Variants in SLC8A1 observed in about 807,000 individuals in gnomAD.
SLC8A1 encodes the protein solute carrier family 8 member A1, also known as sodium/calcium exchanger 1.
SLC8A1 carries 18 observed loss-of-function variants against 68.3 expected under a neutral mutation model. The ratio of observed to expected loss-of-function variants is 0.26; its 90% CI spans 0.18 to 0.39. The LOEUF is 0.39. Among genes scored for constraint, SLC8A1 ranks in the 10% least tolerant of loss-of-function variants. The pLI is 1.00. For missense variants in SLC8A1, 985 were observed against 1,156.7 expected (o/e 0.85, Z 2.15); for synonymous variants, 475 against 415.5 (o/e 1.14, Z -1.74).
At chr2:40,177,953 G>T in intron 2 of SLC8A1, 2 of 806,216 alleles carry the variant, frequency 2.5e-6, no homozygotes, top group South Asian at 1.5e-5. Context: ...TGTTATGGAG[G>T]GAGAACTGGC....
chr2:40,349,885 A>G (rs904681850), intron 2 of SLC8A1, among the ~76,000 whole-genome samples: 5 of 152,200 alleles, frequency 3.3e-5, no homozygotes, highest in Non-Finnish European at 7.3e-5. Flanking sequence ...TTATCCATAA[A>G]TATAACATTG....
intron 2 of SLC8A1, among the ~76,000 whole-genome samples, chr2:40,378,085 A>G (rs776911940): frequency 4.6e-4 from 70 of 152,106 alleles, no homozygotes; most frequent in Non-Finnish European, 9.6e-4. Flanking sequence ...AGCTGGTGAT[A>G]AATCAGTGAA....
intron 1 of SLC8A1, among the ~76,000 whole-genome samples, chr2:40,490,397 C>G (rs1705235968): frequency 6.6e-6 from 1 of 152,046 alleles, no homozygotes; most frequent in Non-Finnish European, 1.5e-5. Context: ...ATTTCACAGG[C>G]TATAATTGTT....
intron 2 of SLC8A1, among the ~76,000 whole-genome samples, chr2:40,183,733 T>C (rs905985831): frequency 6.6e-6 from 1 of 152,214 alleles, no homozygotes; most frequent in Non-Finnish European, 1.5e-5. Context: ...CTGGTAGTAG[T>C]TGGGCTTGTG....
chr2:40,163,993 G>A (rs2046125608), intron 5 of SLC8A1, among the ~76,000 whole-genome samples: 1 of 152,218 alleles, frequency 6.6e-6, no homozygotes, highest in Non-Finnish European at 1.5e-5. Flanking sequence ...AACAGGAACA[G>A]TGTCTGCTTT....
Position 40,364,362 on chromosome 2 carries a change from T to TTG in SLC8A1, c.1808+64109_1808+64110dup, listed in dbSNP as rs1035064911. Among the ~76,000 whole-genome samples the TTG allele has an allele frequency of 3.7e-3, 557 of 151,494 alleles. 18 individuals are homozygous for TTG. The highest frequency in any genetic ancestry group is 9.5e-4 in the Non-Finnish European group (64 of 67,700). ...AATCACTACGAGTTTGTGTGTGTGT[T>TTG]TGTGTGTGTGTGTATGTTTAGGGTA... On this transcript the variant is annotated intron_variant, in intron 2 of 7. Transcript: ENST00000406785.
chr2:40,151,126 T>G (rs1433086546), intron 6 of SLC8A1, among the ~76,000 whole-genome samples: 1 of 152,234 alleles, frequency 6.6e-6, no homozygotes, highest in Non-Finnish European at 1.5e-5. Flanking sequence ...TATTTGCATG[T>G]CCAATTTGCA....
chr2:40,214,467 G>A (rs1407651695), intron 2 of SLC8A1, among the ~76,000 whole-genome samples: 2 of 150,282 alleles, frequency 1.3e-5, no homozygotes, highest in South Asian at 2.1e-4. Context: ...TTCTGAGATG[G>A]AGTCTTACAC....
chr2:40,193,069 G>C (rs2052205344), intron 2 of SLC8A1, among the ~76,000 whole-genome samples: 1 of 152,148 alleles, frequency 6.6e-6, no homozygotes, highest in African/African-American at 2.4e-5. Flanking sequence ...TTGACTCACT[G>C]TCTGTACTTG....
At chr2:40,421,821 A>G (rs1695581848) in intron 2 of SLC8A1, among the ~76,000 whole-genome samples, 1 of 152,232 alleles carries the variant, frequency 6.6e-6, no homozygotes, top group South Asian at 2.1e-4. Flanking sequence ...AAACAGCTGT[A>G]TAAGTCTGTG....
chr2:40,358,932 G>A (rs945220183), intron 2 of SLC8A1, among the ~76,000 whole-genome samples: 1 of 152,168 alleles, frequency 6.6e-6, no homozygotes, highest in African/African-American at 2.4e-5. Context: ...AGCAGGAGAC[G>A]CTTTGTACCT....
At chr2:40,223,081 C>A (rs2058546373) in intron 2 of SLC8A1, among the ~76,000 whole-genome samples, 1 of 152,120 alleles carries the variant, frequency 6.6e-6, no homozygotes, top group African/African-American at 2.4e-5. Flanking sequence ...ATGTTTATTG[C>A]AGCAGTATTC....
At chr2:40,284,379 GAT>G (rs1206280340) in intron 2 of SLC8A1, among the ~76,000 whole-genome samples, 3 of 145,360 alleles carry the variant, frequency 2.1e-5, no homozygotes, top group African/African-American at 5.0e-5. Context: ...ATTTATGTAT[GAT>G]ATATGATATA....
At chr2:40,352,384 G>C (rs529789330) in intron 2 of SLC8A1, among the ~76,000 whole-genome samples, 1 of 152,214 alleles carries the variant, frequency 6.6e-6, no homozygotes, top group Non-Finnish European at 1.5e-5. Context: ...GTCTCAAATG[G>C]TTACCTTATG....
At chr2:40,224,290 A>C (rs1304887737) in intron 2 of SLC8A1, among the ~76,000 whole-genome samples, 2 of 152,150 alleles carry the variant, frequency 1.3e-5, no homozygotes, top group Admixed American at 6.6e-5. Context: ...AAAAGGCTTC[A>C]GGAGGCAGAG....
At chr2:40,187,604 A>G (rs1406237219) in intron 2 of SLC8A1, among the ~76,000 whole-genome samples, 3 of 152,190 alleles carry the variant, frequency 2.0e-5, no homozygotes, top group Admixed American at 1.3e-4. Flanking sequence ...TCATTTTGTC[A>G]AATGCAAAAT....
chr2:40,211,769 G>A (rs1192079736), intron 2 of SLC8A1, among the ~76,000 whole-genome samples: 3 of 152,196 alleles, frequency 2.0e-5, no homozygotes, highest in Non-Finnish European at 4.4e-5. Flanking sequence ...AGAGGTAGAT[G>A]AAAAACCCAG....
chr2:40,379,072 G>A (rs1241024521), intron 2 of SLC8A1, among the ~76,000 whole-genome samples: 1 of 152,074 alleles, frequency 6.6e-6, no homozygotes, highest in African/African-American at 2.4e-5. Context: ...TTCCAGAATA[G>A]CATCTGGCTC....
intron 2 of SLC8A1, among the ~76,000 whole-genome samples, chr2:40,348,798 A>T (rs777438442): frequency 1.3e-5 from 2 of 152,136 alleles, no homozygotes; most frequent in Non-Finnish European, 2.9e-5. Flanking sequence ...TTCAGTCTGG[A>T]GGAAAGAAGT....
Sources: gnomAD v4.1 joint callset for allele counts (sites outside exome capture counted in the v4.1 genomes callset) on GRCh38, gnomAD v4.1.1 for gene constraint, MANE v1.5 for transcripts, NCBI Gene and HGNC (gene_info 2026-07-23, HGNC 2026-07-21) for gene names.